BIN1: variants seen among roughly 807,000 people sequenced by gnomAD.
The protein encoded by BIN1 is bridging integrator 1.
BIN1 carries 53 observed loss-of-function variants against 82.0 expected under a neutral mutation model. That is an observed-to-expected ratio of 0.65 (90% CI 0.52 to 0.81). The LOEUF is 0.81. Among genes scored for constraint, BIN1 ranks in the 40% least tolerant of loss-of-function variants. The pLI is 0.00. For missense variants in BIN1, 642 were observed against 784.4 expected, an observed-to-expected ratio of 0.82 and a Z score of 2.17; for synonymous variants, 302 against 328.0, an observed-to-expected ratio of 0.92 and a Z score of 0.86.
chr2:127,086,287 G>A (rs1449838662), intron 1 of BIN1, among the ~76,000 whole-genome samples: 2 of 152,188 alleles, frequency 1.3e-5, no homozygotes, highest in African/African-American at 4.8e-5. Flanking sequence ...ACTGGGGGGA[G>A]CGGGCGTGTG....
At chr2:127,087,989 G>A (rs2105249254) in intron 1 of BIN1, among the ~76,000 whole-genome samples, 1 of 152,066 alleles carries the variant, frequency 6.6e-6, no homozygotes, top group Non-Finnish European at 1.5e-5. Flanking sequence ...CCAGCCAGCT[G>A]CCCAGGCCTC....
intron 1 of BIN1, among the ~76,000 whole-genome samples, chr2:127,099,555 C>G (rs572757489): frequency 6.6e-6 from 1 of 152,340 alleles, no homozygotes; most frequent in East Asian, 1.9e-4. Context: ...CACTCTGTCA[C>G]CAGGCTGGAG....
intron 2 of BIN1, 48 bp from the exon 3 acceptor site, chr2:127,070,864 AGT>A (rs1371841228): frequency 6.3e-7 from 1 of 1,575,226 alleles, no homozygotes; most frequent in South Asian, 1.1e-5. Flanking sequence ...TGGCACACCC[AGT>A]CCCTGACCCT....
intron 1 of BIN1, among the ~76,000 whole-genome samples, chr2:127,084,071 A>C (rs2105215821): frequency 6.6e-6 from 1 of 152,284 alleles, no homozygotes; most frequent in East Asian, 1.9e-4. Context: ...TGCCTTTACT[A>C]TCCATCATTC....
intron 10 of BIN1, chr2:127,060,446 C>T (rs1054291202): frequency 2.6e-5 from 32 of 1,223,034 alleles, no homozygotes; most frequent in Non-Finnish European, 3.4e-5. Flanking sequence ...GCCTTCCCAC[C>T]CAACACGCAC....
intron 1 of BIN1, among the ~76,000 whole-genome samples, chr2:127,100,406 G>A (rs1680163675): frequency 6.6e-6 from 1 of 152,144 alleles, no homozygotes; most frequent in Non-Finnish European, 1.5e-5. Flanking sequence ...GGAGTCCGCT[G>A]GACGCCTCCA....
rs1684076751 is a variant in BIN1, at chr2:127,058,996, A to C, written c.1002+15T>G. 4.5e-6 allele frequency: 7 copies of C among 1,555,206 alleles called. No homozygotes were observed. In the East Asian group the frequency reaches 1.7e-4, roughly 37 times the overall value. On this transcript the variant is annotated intron_variant, in intron 11 of 18. Transcript: ENST00000316724. ...AGGGAGGGCAGGGGACCTGCTACCA[A>C]GACATCACTCCTACCTGAGATGGGG...
At chr2:127,104,478 G>A (rs72838215) in intron 1 of BIN1, among the ~76,000 whole-genome samples, 19,271 of 152,166 alleles carry the variant, frequency 0.13, 1,573 homozygotes, top group Non-Finnish European at 0.18. Context: ...TGCAAGATAC[G>A]GGCCCTTCTT....
chr2:127,078,540 C>T (rs1343398809), intron 1 of BIN1, among the ~76,000 whole-genome samples: 1 of 152,126 alleles, frequency 6.6e-6, no homozygotes, highest in Non-Finnish European at 1.5e-5. Context: ...GTGAGAGTGG[C>T]AGCAGGGGGC....
chr2:127,058,336 T>C (rs1426799553), intron 11 of BIN1, among the ~76,000 whole-genome samples: 3 of 152,186 alleles, frequency 2.0e-5, no homozygotes, highest in African/African-American at 7.2e-5. Context: ...ACCATGTCCT[T>C]AGCCCTGCTA....
At chr2:127,088,218 G>A (rs76300468) in intron 1 of BIN1, among the ~76,000 whole-genome samples, 315 of 152,314 alleles carry the variant, frequency 2.1e-3, no homozygotes, top group Middle Eastern at 0.01. Flanking sequence ...GAGCAGGACA[G>A]GCACAGAATC....
intron 13 of BIN1, 71 bp downstream of exon 13, chr2:127,053,834 T>A: frequency 6.8e-7 from 1 of 1,461,118 alleles, no homozygotes. Context: ...ACGTGGCCAA[T>A]AGGCAACATG....
intron 1 of BIN1, among the ~76,000 whole-genome samples, chr2:127,097,428 G>A (rs1036015631): frequency 3.3e-5 from 5 of 151,856 alleles, no homozygotes; most frequent in South Asian, 2.1e-4. Context: ...GCCCAGCAGC[G>A]TCAGCCCTCC....
rs1487756748 is a variant in BIN1 at position 127,059,477 on chromosome 2, C to A, written c.858-322G>T. Among the ~76,000 whole-genome samples the A allele has an allele frequency of 6.6e-6, 1 of 151,966 alleles. No individual in the cohort carries two copies. The highest frequency in any genetic ancestry group is 6.5e-5 in the Admixed American group (1 of 15,268). On this transcript the variant is annotated intron_variant, in intron 10 of 18. Transcript: ENST00000316724. The surrounding 1 kb of genome is among the most constrained non-coding windows in gnomAD (Gnocchi z 6.7). The stretch of plus-strand genomic sequence containing the variant: ...GTCGCAGAGACCAGACCAACCACCC[C>A]ACAGGCTCCATGGGGTCCACCAGGG...
chr2:127,054,084 A>G, intron 12 of BIN1, 72 bp from the exon 13 acceptor site: 1 of 1,307,344 alleles, frequency 7.6e-7, no homozygotes, highest in Non-Finnish European at 1.1e-6. Context: ...CCAGGCAGAC[A>G]CTGCAGGCAC....
rs1685321694 is a variant in BIN1, at chr2:127,067,673, C to A, written c.612+490G>T. The stretch of plus-strand genomic sequence containing the variant: ...CGCAGGGGCTTCAGTCAGGAGAGCC[C>A]CAACCCTGCCCCTAACCGGCTCTGG... On this transcript the variant is annotated intron_variant, in intron 7 of 18. Transcript: ENST00000316724. The surrounding 1 kb of genome is among the most constrained non-coding windows in gnomAD (Gnocchi z 4.7). Among the ~76,000 whole-genome samples the A allele has an allele frequency of 6.6e-6, 1 of 152,208 alleles. No individual in the cohort carries two copies. The highest frequency in any genetic ancestry group is 1.5e-5 in the Non-Finnish European group (1 of 68,040).
chr2:127,052,624 G>A (rs938112878), intron 14 of BIN1: 8 of 520,252 alleles, frequency 1.5e-5, no homozygotes, highest in African/African-American at 5.7e-5. Context: ...CTACCAGCTC[G>A]CACCAGGCTG....
At chr2:127,101,904 G>A (rs1471149002) in intron 1 of BIN1, among the ~76,000 whole-genome samples, 6 of 152,144 alleles carry the variant, frequency 3.9e-5, no homozygotes, top group Non-Finnish European at 8.8e-5. Context: ...ATAGAGGCCT[G>A]TAATGGACAC....
rs748563618 is a variant in BIN1 at position 127,050,385 on chromosome 2, T to TC, written c.1674+35dup. 10 of 1,606,886 alleles carry TC rather than the reference T, an allele frequency of 6.2e-6. No homozygotes were observed. In the South Asian group the frequency reaches 9.9e-5, roughly 16 times the overall value. On this transcript the variant is annotated intron_variant, in intron 18 of 18. Transcript: ENST00000316724. The stretch of plus-strand genomic sequence containing the variant: ...CCAGCCGCAGCCAGGATGCCTGTGG[T>TC]CCCCCTGCGCTCTGGCGGCCCCACC...
Sources: gnomAD v4.1 joint callset for allele counts (sites outside exome capture counted in the v4.1 genomes callset) on GRCh38, gnomAD v4.1.1 for gene constraint, Gnocchi (gnomAD v3.1) non-coding constraint, MANE v1.5 for transcripts, NCBI Gene and HGNC (gene_info 2026-07-23, HGNC 2026-07-21) for gene names.